Variants in NHERF4 observed in about 807,000 individuals in gnomAD.
The protein encoded by NHERF4 is NHERF family PDZ scaffold protein 4, also known as Na(+)/H(+) exchange regulatory cofactor NHE-RF4.
the NHERF4 span, chr11:119,187,668 G>C: frequency 6.5e-7 from 1 of 1,536,530 alleles, no homozygotes; most frequent in Non-Finnish European, 8.8e-7. Flanking sequence ...GGTCAGTGTG[G>C]AGAAGTTCAC....
At chr11:119,189,892 G>C in the NHERF4 span, 1 of 336,730 alleles carries the variant, frequency 3.0e-6, no homozygotes, top group Admixed American at 4.2e-5. The surrounding 1 kb of genome is among the most constrained non-coding windows in gnomAD (Gnocchi z 5.8). Context: ...TTAGCATTGC[G>C]GGAGGGTGGT....
chr11:119,189,958 C>T, the NHERF4 span: 1 of 345,242 alleles, frequency 2.9e-6, no homozygotes, highest in Admixed American at 4.3e-5. The surrounding 1 kb of genome is among the most constrained non-coding windows in gnomAD (Gnocchi z 5.8). Context: ...AATCTGACTG[C>T]CTGTGTTTGT....
At chr11:119,187,747 C>T in the NHERF4 span, 1 of 1,470,118 alleles carries the variant, frequency 6.8e-7, no homozygotes, top group South Asian at 1.4e-5. Context: ...CGGGCCTGGG[C>T]CCCACCTCGG....
the NHERF4 span, chr11:119,188,736 T>G: frequency 6.2e-7 from 1 of 1,614,198 alleles, no homozygotes. Context: ...AGAGGACCCT[T>G]CACTTGAAGA....
the NHERF4 span, chr11:119,186,753 C>G: frequency 1.4e-6 from 2 of 1,452,838 alleles, no homozygotes; most frequent in East Asian, 4.8e-5. This position sits in a 1 kb window ranked among gnomAD's most constrained non-coding sequence, Gnocchi z 4.4. Context: ...TGCTCAGTCC[C>G]CTGGGCAGTA....
At chr11:119,187,807 C>A in the NHERF4 span, 1 of 1,457,626 alleles carries the variant, frequency 6.9e-7, no homozygotes, top group Non-Finnish European at 9.0e-7. Flanking sequence ...GGTCTCCTAC[C>A]TTTATCACCA....
chr11:119,188,317 A>G, the NHERF4 span: 3 of 1,610,986 alleles, frequency 1.9e-6, no homozygotes, highest in Non-Finnish European at 2.5e-6. Context: ...GTGGCCTAGG[A>G]TAGCTGGAGA....
the NHERF4 span, chr11:119,185,961 C>T: frequency 6.2e-7 from 1 of 1,614,084 alleles, no homozygotes; most frequent in Non-Finnish European, 8.5e-7. Flanking sequence ...CTGTAAGTGC[C>T]ACGAGGGTTG....
At chr11:119,186,074 T>C in the NHERF4 span, 9 of 1,610,158 alleles carry the variant, frequency 5.6e-6, no homozygotes, top group African/African-American at 1.2e-4. The surrounding 1 kb of genome is among the most constrained non-coding windows in gnomAD (Gnocchi z 4.4). Flanking sequence ...TGTACCTGCT[T>C]CCCCTGCCTC....
chr11:119,185,939 G>A, the NHERF4 span: 1 of 1,614,172 alleles, frequency 6.2e-7, no homozygotes. Flanking sequence ...GCAGGACACA[G>A]CCTCGTTAAC....
the NHERF4 span, chr11:119,188,883 TG>T: frequency 1.2e-6 from 2 of 1,613,090 alleles, no homozygotes; most frequent in South Asian, 2.2e-5. Flanking sequence ...TGATGCCCCA[TG>T]GATCTTGAAT....
the NHERF4 span, chr11:119,188,132 G>C: frequency 6.5e-7 from 1 of 1,544,248 alleles, no homozygotes; most frequent in Non-Finnish European, 8.8e-7. Flanking sequence ...AAAGGGCCTT[G>C]ACGGTCGCCC....
At chr11:119,186,814 C>T in the NHERF4 span, 2 of 1,000,872 alleles carry the variant, frequency 2.0e-6, no homozygotes, top group Non-Finnish European at 2.9e-6. The surrounding 1 kb of genome is among the most constrained non-coding windows in gnomAD (Gnocchi z 4.4). Flanking sequence ...TTTAGAAGTG[C>T]CCAAGTCAGA....
At chr11:119,190,046 GGA>G in the NHERF4 span, 1 of 471,358 alleles carries the variant, frequency 2.1e-6, no homozygotes, top group East Asian at 3.4e-5. This position sits in a 1 kb window ranked among gnomAD's most constrained non-coding sequence, Gnocchi z 4.2. Flanking sequence ...GGCTCCTGCA[GGA>G]GAGAGGTTGA....
chr11:119,185,730 G>A, the NHERF4 span: 1 of 821,598 alleles, frequency 1.2e-6, no homozygotes, highest in Non-Finnish European at 2.0e-6. Flanking sequence ...CTTGGGGGGA[G>A]AGAAAGGGAG....
chr11:119,187,709 G>C, the NHERF4 span: 1 of 1,494,762 alleles, frequency 6.7e-7, no homozygotes, highest in Non-Finnish European at 8.9e-7. Context: ...AGGTGTGACT[G>C]CCTGTCTCCC....
chr11:119,186,811 G>A, the NHERF4 span: 11 of 1,027,158 alleles, frequency 1.1e-5, no homozygotes, highest in Admixed American at 2.9e-5. The surrounding 1 kb of genome is among the most constrained non-coding windows in gnomAD (Gnocchi z 4.4). Context: ...GGATTTAGAA[G>A]TGCCCAAGTC....
chr11:119,189,612 C>T, the NHERF4 span: 7 of 1,178,216 alleles, frequency 5.9e-6, no homozygotes, highest in Non-Finnish European at 8.8e-6. The surrounding 1 kb of genome is among the most constrained non-coding windows in gnomAD (Gnocchi z 5.8). Flanking sequence ...CACCACCGAT[C>T]ACAGGCTGGC....
the NHERF4 span, chr11:119,189,557 G>A: frequency 6.4e-7 from 1 of 1,557,186 alleles, no homozygotes; most frequent in South Asian, 1.1e-5. The surrounding 1 kb of genome is among the most constrained non-coding windows in gnomAD (Gnocchi z 5.8). Flanking sequence ...GCCTGAGGTG[G>A]TGAAGGCAGG....
Sources: allele counts gnomAD v4.1 joint callset, GRCh38; gene constraint gnomAD v4.1.1; non-coding constraint Gnocchi (gnomAD v3.1); transcripts MANE v1.5; gene names NCBI Gene and HGNC (gene_info 2026-07-23, HGNC 2026-07-21).